Variants in KIF21A observed in about 807,000 individuals in gnomAD.
KIF21A encodes kinesin-like protein KIF21A.
A neutral mutation model predicts 202.9 loss-of-function variants in KIF21A; 114 were observed. The ratio of observed to expected loss-of-function variants is 0.56; its 90% CI spans 0.48 to 0.66. The LOEUF (loss-of-function observed/expected upper bound fraction) is 0.66. Ranked by LOEUF, KIF21A falls within the 30% of genes least tolerant of loss-of-function variation. KIF21A has a pLI of 0.00. For missense variants in KIF21A, 1,677 were observed against 1,994.9 expected, an observed-to-expected ratio of 0.84 and a Z score of 3.04; for synonymous variants, 667 against 670.8, an observed-to-expected ratio of 0.99 and a Z score of 0.09.
intron 1 of KIF21A, among the ~76,000 whole-genome samples, chr12:39,440,293 G>A (rs758718657): frequency 6.6e-6 from 1 of 152,106 alleles, no homozygotes; most frequent in Non-Finnish European, 1.5e-5. Flanking sequence ...TCTCACTTCC[G>A]CAGGGTTAAT....
intron 1 of KIF21A, among the ~76,000 whole-genome samples, chr12:39,384,785 G>A (rs1950836962): frequency 6.6e-6 from 1 of 152,142 alleles, no homozygotes; most frequent in Non-Finnish European, 1.5e-5. Flanking sequence ...AGAGCTGGGT[G>A]GCATTCTCAG....
chr12:39,342,174 T>A, intron 12 of KIF21A, 50 bp from the exon 13 acceptor site: 2 of 1,285,932 alleles, frequency 1.6e-6, no homozygotes, highest in Non-Finnish European at 2.3e-6. Context: ...AGGAAAATTA[T>A]TCACTTTTTC....
chr12:39,356,691 C>T lies in KIF21A; in HGVS notation c.1469+141G>A, dbSNP rs1948798749. ...ATCAAGGGAAAGGTAAGTAAAGAAT[C>T]TCCTAAAGTTAACCTAACCAAAGGG... is the stretch of plus-strand genomic sequence containing the variant. On this transcript the variant is annotated intron_variant, in intron 10 of 37. Coordinates refer to ENST00000361418, the MANE Select transcript of KIF21A (RefSeq NM_001173464.2). The T allele has an allele frequency of 5.5e-6, 3 of 542,030 alleles. No individual in the cohort carries two copies. In the South Asian group the frequency reaches 6.8e-5, roughly 12 times the overall value. The allele number at this position is 542,030 out of a possible 1,614,324, so 33.6% of individuals were successfully genotyped here. A position where few individuals can be genotyped will look rare whatever the true frequency, so the allele number is the denominator to read the frequency against.
chr12:39,441,371 TTTTCAGTAATA>T (rs1415793906), intron 1 of KIF21A, among the ~76,000 whole-genome samples: 1 of 151,886 alleles, frequency 6.6e-6, no homozygotes, highest in Admixed American at 6.6e-5. Flanking sequence ...AAATTGTCTG[TTTTCAGTAATA>T]TTTTATGCAC....
intron 1 of KIF21A, among the ~76,000 whole-genome samples, chr12:39,377,048 T>G (rs1303220098): frequency 1.3e-5 from 2 of 152,146 alleles, no homozygotes; most frequent in African/African-American, 4.8e-5. Flanking sequence ...TCTCCTCTTT[T>G]GCTTGAGTTA....
chr12:39,379,175 C>CA (rs1950451880), intron 1 of KIF21A, among the ~76,000 whole-genome samples: 2 of 152,036 alleles, frequency 1.3e-5, no homozygotes, highest in Admixed American at 6.6e-5. Flanking sequence ...ACTAAAAATA[C>CA]AAAAATTAGC....
At chr12:39,376,653 T>G (rs542827950) in intron 1 of KIF21A, among the ~76,000 whole-genome samples, 1 of 152,288 alleles carries the variant, frequency 6.6e-6, no homozygotes, top group South Asian at 2.1e-4. Flanking sequence ...ATAACTTACG[T>G]GTGCAAGAAC....
chr12:39,354,035 T>G (rs1422791062), intron 10 of KIF21A, among the ~76,000 whole-genome samples: 2 of 152,106 alleles, frequency 1.3e-5, no homozygotes, highest in Non-Finnish European at 2.9e-5. Flanking sequence ...CCATCAAGTC[T>G]CTAAAAGGCC....
chr12:39,436,965 T>A (rs80280565), intron 1 of KIF21A, among the ~76,000 whole-genome samples: 6,891 of 152,240 alleles, frequency 0.045, 217 homozygotes, highest in African/African-American at 0.091. Context: ...TATTGATATG[T>A]TTTTCTTCCT....
chr12:39,382,256 T>C (rs957551089), intron 1 of KIF21A, among the ~76,000 whole-genome samples: 3 of 152,228 alleles, frequency 2.0e-5, no homozygotes, highest in Non-Finnish European at 2.9e-5. Context: ...TCAGCTCTTA[T>C]ATATTTGTAA....
At chr12:39,399,163 G>A (rs1416381753) in intron 1 of KIF21A, among the ~76,000 whole-genome samples, 3 of 152,306 alleles carry the variant, frequency 2.0e-5, no homozygotes, top group South Asian at 2.1e-4. Flanking sequence ...AGGCTACAGT[G>A]AGCCAAGATC....
At chr12:39,313,201 G>A (rs930700301) in intron 31 of KIF21A, among the ~76,000 whole-genome samples, 1 of 151,692 alleles carries the variant, frequency 6.6e-6, no homozygotes, top group African/African-American at 2.4e-5. Context: ...AGTGCTCTAA[G>A]AAATCACAAA....
chr12:39,430,886 ACCCT>A (rs1266084851), intron 1 of KIF21A, among the ~76,000 whole-genome samples: 1 of 151,962 alleles, frequency 6.6e-6, no homozygotes, highest in East Asian at 1.9e-4. Context: ...GCAGACACAC[ACCCT>A]CCCTCTTGCC....
chr12:39,389,210 A>ACACT (rs1324459671), intron 1 of KIF21A, among the ~76,000 whole-genome samples: 2 of 151,212 alleles, frequency 1.3e-5, no homozygotes, highest in Non-Finnish European at 2.9e-5. Context: ...ACACACACAC[A>ACACT]CATATATACA....
At chr12:39,393,979 C>T (rs753645517) in intron 1 of KIF21A, among the ~76,000 whole-genome samples, 1 of 152,204 alleles carries the variant, frequency 6.6e-6, no homozygotes, top group Non-Finnish European at 1.5e-5. Context: ...GCAATACAAG[C>T]ATTGCAGCTT....
intron 12 of KIF21A, among the ~76,000 whole-genome samples, chr12:39,342,364 T>C (rs1437166464): frequency 6.6e-6 from 1 of 152,166 alleles, no homozygotes; most frequent in East Asian, 1.9e-4. Context: ...CACTGAGGAA[T>C]AGATTATGCC....
chr12:39,427,379 C>T (rs1313110645), intron 1 of KIF21A, among the ~76,000 whole-genome samples: 4 of 152,078 alleles, frequency 2.6e-5, no homozygotes, highest in Non-Finnish European at 5.9e-5. Flanking sequence ...CTGTAATATA[C>T]TCAACAGTAG....
chr12:39,349,324 T>C (rs1422573071), intron 11 of KIF21A, among the ~76,000 whole-genome samples: 1 of 152,120 alleles, frequency 6.6e-6, no homozygotes, highest in Non-Finnish European at 1.5e-5. Flanking sequence ...CAATACTTGC[T>C]AGAGAAAAAT....
At chr12:39,420,869 A>T (rs559157793) in intron 1 of KIF21A, among the ~76,000 whole-genome samples, 3 of 152,164 alleles carry the variant, frequency 2.0e-5, no homozygotes, top group Non-Finnish European at 2.9e-5. Context: ...CCCACCCAAC[A>T]AACCAGTTAT....
Sources: gnomAD v4.1 joint callset for allele counts (sites outside exome capture counted in the v4.1 genomes callset) on GRCh38, gnomAD v4.1.1 for gene constraint, MANE v1.5 for transcripts, NCBI Gene and HGNC (gene_info 2026-07-23, HGNC 2026-07-21) for gene names.